TDRD5: variants seen among roughly 807,000 people sequenced by gnomAD.
The protein encoded by TDRD5 is tudor domain containing 5.
Under a neutral mutation model 120.6 loss-of-function variants are expected in TDRD5, and 41 were observed. The ratio of observed to expected loss-of-function variants is 0.34; its 90% CI spans 0.26 to 0.44. The LOEUF is 0.44. Among genes scored for constraint, TDRD5 ranks in the 20% least tolerant of loss-of-function variants. The probability of loss-of-function intolerance (pLI) is 1.00; values close to 1 mark genes in which losing one functional copy is unlikely to be tolerated. For missense variants in TDRD5, 1,006 were observed against 1,221.2 expected (o/e 0.82, Z 2.63); for synonymous variants, 430 against 433.7 (o/e 0.99, Z 0.11).
intron 3 of TDRD5, among the ~76,000 whole-genome samples, chr1:179,594,115 G>A (rs1675262100): frequency 6.6e-6 from 1 of 152,184 alleles, no homozygotes; most frequent in African/African-American, 2.4e-5. Flanking sequence ...CTGGCATTTA[G>A]TAAGCTGATA....
chr1:179,619,873 G>A (rs1035381591), intron 5 of TDRD5, among the ~76,000 whole-genome samples: 5 of 152,106 alleles, frequency 3.3e-5, no homozygotes, highest in African/African-American at 4.8e-5. Flanking sequence ...CCCCACTTCA[G>A]CCTCCCAAAG....
At chr1:179,593,029 A>G (rs1378071087) in intron 2 of TDRD5, among the ~76,000 whole-genome samples, 182 bp downstream of exon 2, 2 of 152,194 alleles carry the variant, frequency 1.3e-5, no homozygotes, top group African/African-American at 2.4e-5. Flanking sequence ...AAAATTAACA[A>G]ACCATTCCCC....
intron 16 of TDRD5, among the ~76,000 whole-genome samples, chr1:179,668,702 A>T (rs1679682472): frequency 6.7e-6 from 1 of 149,258 alleles, no homozygotes; most frequent in Admixed American, 6.7e-5. Flanking sequence ...GTTCATTAGG[A>T]TAGAGAAGGA....
intron 3 of TDRD5, among the ~76,000 whole-genome samples, chr1:179,594,346 A>G (rs1337619467): frequency 6.6e-6 from 1 of 152,218 alleles, no homozygotes; most frequent in African/African-American, 2.4e-5. Flanking sequence ...TAACCACCTT[A>G]TCTGTATAGC....
intron 7 of TDRD5, among the ~76,000 whole-genome samples, chr1:179,633,786 A>C (rs937242624): frequency 6.6e-6 from 1 of 152,226 alleles, no homozygotes; most frequent in Non-Finnish European, 1.5e-5. Context: ...CATACAGTCT[A>C]CGTTAAGCAA....
At chr1:179,683,831 T>G (rs989369474) in intron 17 of TDRD5, among the ~76,000 whole-genome samples, 14 of 152,068 alleles carry the variant, frequency 9.2e-5, no homozygotes, top group African/African-American at 3.1e-4. Flanking sequence ...AGCAGGACTT[T>G]CTTGAAGGAA....
intron 11 of TDRD5, among the ~76,000 whole-genome samples, chr1:179,645,312 C>T (rs1678293271): frequency 6.6e-6 from 1 of 151,834 alleles, no homozygotes; most frequent in South Asian, 2.1e-4. Flanking sequence ...GTCTCGATCT[C>T]CTGACCTCGT....
intron 9 of TDRD5, among the ~76,000 whole-genome samples, 182 bp from the exon 10 acceptor site, chr1:179,639,657 T>A (rs559228515): frequency 2.6e-5 from 4 of 152,354 alleles, no homozygotes; most frequent in Non-Finnish European, 5.9e-5. Context: ...AGTTTGTTGA[T>A]GAAGAGATGG....
At chr1:179,652,220 A>G in intron 13 of TDRD5, 23 bp downstream of exon 13, 1 of 1,575,186 alleles carries the variant, frequency 6.3e-7, no homozygotes, top group Non-Finnish European at 8.6e-7. Context: ...TGCAAATACT[A>G]TTATAATTCT....
chr1:179,627,528 T>C (rs1677196785), intron 6 of TDRD5, among the ~76,000 whole-genome samples: 1 of 152,018 alleles, frequency 6.6e-6, no homozygotes, highest in Admixed American at 6.5e-5. Context: ...AAATGAATAA[T>C]TAGATAATTC....
At chr1:179,661,397 C>T (rs565563799) in intron 14 of TDRD5, among the ~76,000 whole-genome samples, 3 of 150,994 alleles carry the variant, frequency 2.0e-5, no homozygotes, top group Admixed American at 2.0e-4. Context: ...TGTTTTTTTC[C>T]CCCCAATCTT....
chr1:179,650,819 T>G (rs1400557582), intron 11 of TDRD5, 48 bp from the exon 12 acceptor site: 1 of 1,581,730 alleles, frequency 6.3e-7, no homozygotes, highest in African/African-American at 1.3e-5. Context: ...TTATTATAAT[T>G]CATGTTTAGA....
chr1:179,608,268 A>AT lies in TDRD5; in HGVS notation c.832-10323dup, dbSNP rs76253149. ...AGTATCCCTTGTTGTACTTTTCTTT[A>AT]TTTTTTTTCTGCATGAGATTCATTG... On this transcript the variant is annotated intron_variant, in intron 4 of 17. Coordinates refer to ENST00000444136, the MANE Select transcript of TDRD5 (RefSeq NM_001199085.3). Among the ~76,000 whole-genome samples the AT allele has an allele frequency of 2.7e-5, 4 of 150,792 alleles. No individual in the cohort carries two copies. In the East Asian group the frequency reaches 7.8e-4, roughly 29 times the overall value.
intron 4 of TDRD5, among the ~76,000 whole-genome samples, chr1:179,608,979 G>C (rs1276764531): frequency 6.6e-6 from 1 of 152,058 alleles, no homozygotes; most frequent in Non-Finnish European, 1.5e-5. Context: ...CCAATATGAT[G>C]ATATTAGGAG....
chr1:179,613,771 A>G (rs913768047), intron 4 of TDRD5, among the ~76,000 whole-genome samples: 1 of 152,122 alleles, frequency 6.6e-6, no homozygotes, highest in Non-Finnish European at 1.5e-5. Flanking sequence ...TCCTAATACT[A>G]TCACCTTGGG....
chr1:179,669,681 G>GT (rs143080910), intron 17 of TDRD5, among the ~76,000 whole-genome samples: 3,182 of 152,164 alleles, frequency 0.021, 97 homozygotes, highest in African/African-American at 0.07. Context: ...AGTTCTTTGA[G>GT]TTTCGACAAA....
At chr1:179,661,360 T>C (rs1191050435) in intron 14 of TDRD5, among the ~76,000 whole-genome samples, 1 of 150,840 alleles carries the variant, frequency 6.6e-6, no homozygotes, top group Non-Finnish European at 1.5e-5. Flanking sequence ...AGGCTCTGTT[T>C]TGAGTTTTTT....
intron 11 of TDRD5, among the ~76,000 whole-genome samples, chr1:179,643,338 A>G (rs926530069): frequency 5.3e-5 from 8 of 152,206 alleles, no homozygotes; most frequent in Non-Finnish European, 8.8e-5. Flanking sequence ...AAAAAAAAAC[A>G]GGAAAATGTG....
intron 17 of TDRD5, among the ~76,000 whole-genome samples, chr1:179,681,123 A>C (rs1298767802): frequency 2.0e-5 from 3 of 152,156 alleles, no homozygotes; most frequent in Admixed American, 6.5e-5. Flanking sequence ...TGCTGCCCAG[A>C]TTGGAACACA....
Sources: gnomAD v4.1 joint callset for allele counts (sites outside exome capture counted in the v4.1 genomes callset) on GRCh38, gnomAD v4.1.1 for gene constraint, MANE v1.5 for transcripts, NCBI Gene and HGNC (gene_info 2026-07-23, HGNC 2026-07-21) for gene names.